CENPF: variants seen among roughly 807,000 people sequenced by gnomAD.
CENPF encodes the protein centromere protein F.
A neutral mutation model predicts 307.3 loss-of-function variants in CENPF; 214 were observed. The observed-to-expected ratio is 0.70, with a 90% CI of 0.62 to 0.78. The LOEUF (loss-of-function observed/expected upper bound fraction) is 0.78, where lower values mean the gene tolerates loss of function less well. Ranked by LOEUF, CENPF falls within the 30% of genes least tolerant of loss-of-function variation. The pLI, the probability that CENPF is intolerant of heterozygous loss-of-function variation, is 0.00. For missense variants in CENPF, 3,401 were observed against 3,483.9 expected (o/e 0.98, Z 0.60); for synonymous variants, 1,259 against 1,270.6 (o/e 0.99, Z 0.19).
At chr1:214,662,642 TCTC>T (rs1418374299) in intron 19 of CENPF, among the ~76,000 whole-genome samples, 1 of 152,292 alleles carries the variant, frequency 6.6e-6, no homozygotes, top group Admixed American at 6.5e-5. Context: ...AAGAGGCCCT[TCTC>T]CTTTCTCTTT....
In CENPF at chr1:214,648,659, A is replaced by C. The variant is rs762911384; in HGVS notation, c.7831-16A>C. On this transcript the variant is annotated splice_polypyrimidine_tract_variant and intron_variant, in intron 13 of 19. Coordinates refer to ENST00000366955, the MANE Select transcript of CENPF (RefSeq NM_016343.4). ...GACCACCAAAAAGCAGATTCTAATGAAAGATGAAATTTCAGGTAAACAAAA... is the reference window on the plus strand; with the variant it reads ...GACCACCAAAAAGCAGATTCTAATGCAAGATGAAATTTCAGGTAAACAAAA... 3.1e-6 allele frequency: 5 copies of C among 1,611,060 alleles called. No homozygotes were observed. In the Admixed American group the frequency reaches 6.7e-5, roughly 22 times the overall value.
intron 14 of CENPF, among the ~76,000 whole-genome samples, chr1:214,651,312 A>G (rs1013477223): frequency 1.3e-5 from 2 of 152,216 alleles, no homozygotes; most frequent in Admixed American, 1.3e-4. Flanking sequence ...TGGTCAAGGA[A>G]GAAAATGCAA....
chr1:214,656,846 C>A, intron 17 of CENPF, 87 bp from the exon 18 acceptor site: 1 of 879,056 alleles, frequency 1.1e-6, no homozygotes. Context: ...AAAGAAAGAA[C>A]ACGTCTAAGA....
Position 214,645,562 on chromosome 1 carries a change from TG to T in CENPF, c.5993del (p.Cys1998PhefsTer12). ...TQELESHQSE[C>X]LHCIQVAEAE... The stretch of plus-strand genomic sequence containing the variant: ...AGAGCTTGAGTCTCATCAAAGTGAG[TG>T]TCTCCATTGCATTCAGGTGGCAGAG... On this transcript the variant is annotated frameshift_variant, in exon 13 of 20. Transcript: ENST00000366955. LOFTEE classifies it high-confidence loss of function. The T allele has an allele frequency of 1.2e-6, 2 of 1,613,974 alleles. No homozygotes were observed. Among genetic ancestry groups the T allele is most frequent in the African/African-American group, 1.3e-5 (1 of 74,976 alleles).
intron 1 of CENPF, among the ~76,000 whole-genome samples, chr1:214,604,492 T>G (rs1656969949): frequency 6.6e-6 from 1 of 152,186 alleles, no homozygotes; most frequent in Non-Finnish European, 1.5e-5. Flanking sequence ...TTGGTCTACA[T>G]CTATATTGTT....
intron 14 of CENPF, among the ~76,000 whole-genome samples, chr1:214,649,054 GTC>G (rs1658393052): frequency 6.6e-6 from 1 of 152,178 alleles, no homozygotes; most frequent in South Asian, 2.1e-4. Context: ...GAAAGTATCT[GTC>G]TCAGAGCCCA....
intron 1 of CENPF, among the ~76,000 whole-genome samples, chr1:214,604,148 C>A (rs1656962374): frequency 6.6e-6 from 1 of 152,096 alleles, no homozygotes; most frequent in African/African-American, 2.4e-5. Flanking sequence ...GTGGGGAATT[C>A]TGACAACGGG....
intron 3 of CENPF, among the ~76,000 whole-genome samples, chr1:214,617,827 A>T (rs556308262): frequency 2.6e-5 from 4 of 152,092 alleles, no homozygotes; most frequent in South Asian, 4.1e-4. Flanking sequence ...AGGTTCTTTT[A>T]TGTCTCTGTC....
chr1:214,609,051 A>G (rs1326024372), intron 1 of CENPF, among the ~76,000 whole-genome samples: 1 of 151,612 alleles, frequency 6.6e-6, no homozygotes, highest in African/African-American at 2.4e-5. Context: ...TCGCAACCAC[A>G]GGTCTCCATG....
intron 8 of CENPF, among the ~76,000 whole-genome samples, chr1:214,629,898 G>T (rs1436436449): frequency 6.6e-6 from 1 of 152,162 alleles, no homozygotes; most frequent in Non-Finnish European, 1.5e-5. Flanking sequence ...AAATTAGGAG[G>T]GTAGTTGATG....
chr1:214,615,216 G>T, intron 3 of CENPF, 188 bp downstream of exon 3: 2 of 453,548 alleles, frequency 4.4e-6, no homozygotes, highest in South Asian at 3.6e-5. Context: ...CAGTGATTTG[G>T]TTTTATCATT....
chr1:214,605,426 A>G, intron 1 of CENPF: 1 of 484,682 alleles, frequency 2.1e-6, no homozygotes, highest in Non-Finnish European at 3.7e-6. Context: ...TGCCTGAGCT[A>G]GAAGAATCCG....
At chr1:214,611,055 T>C (rs541901471) in intron 1 of CENPF, among the ~76,000 whole-genome samples, 21 of 152,304 alleles carry the variant, frequency 1.4e-4, no homozygotes, top group African/African-American at 5.1e-4. Context: ...GATTTTGTAC[T>C]AGTACCATGC....
chr1:214,630,502 T>A lies in CENPF; in HGVS notation c.1195-32T>A, dbSNP rs201465516. ...CTGGAGTCTCCCTAGCGAACCATCA[T>A]CAGGCTGATGCACCTGCCCTTTGTT... On this transcript the variant is annotated intron_variant, in intron 8 of 19. Coordinates refer to ENST00000366955, the MANE Select transcript of CENPF (RefSeq NM_016343.4). 5 of 1,613,168 alleles carry A rather than the reference T, an allele frequency of 3.1e-6. No individual in the cohort carries two copies. In the Admixed American group the frequency reaches 8.3e-5, roughly 27 times the overall value.
At chr1:214,621,054 A>T in intron 6 of CENPF, 108 bp downstream of exon 6, 1 of 1,000,116 alleles carries the variant, frequency 1.0e-6, no homozygotes. Flanking sequence ...TGTTAGGCAC[A>T]TCGGTGTTCA....
Position 214,651,904 on chromosome 1 carries a change from G to GAAGAAAACCTAGGCA in CENPF, c.8160+18_8160+19insAAGAAAACCTAGGCA. On this transcript the variant is annotated intron_variant, in intron 15 of 19. Coordinates refer to ENST00000366955, the MANE Select transcript of CENPF (RefSeq NM_016343.4). ...ACAAACAGGTGAAATGTGGGGTTTG[G>GAAGAAAACCTAGGCA]TTACTGGGGGAGCTGGAGAGTGTAT... 1 of 1,578,238 alleles carries GAAGAAAACCTAGGCA rather than the reference G, an allele frequency of 6.3e-7. No individual in the cohort carries two copies. The highest frequency in any genetic ancestry group is 8.6e-7 in the Non-Finnish European group (1 of 1,167,462).
chr1:214,611,844 T>C (rs1558168559), intron 1 of CENPF, among the ~76,000 whole-genome samples: 1 of 152,238 alleles, frequency 6.6e-6, no homozygotes. Flanking sequence ...TCCTGAGAGT[T>C]GGCTGAAGTT....
chr1:214,636,727 G>T (rs745694383), intron 10 of CENPF, among the ~76,000 whole-genome samples: 15 of 152,192 alleles, frequency 9.9e-5, no homozygotes, highest in Admixed American at 3.9e-4. Flanking sequence ...TTGGAGGATG[G>T]GTCTTAATTG....
intron 10 of CENPF, among the ~76,000 whole-genome samples, chr1:214,634,914 T>C (rs1177601830): frequency 6.6e-6 from 1 of 152,238 alleles, no homozygotes; most frequent in Non-Finnish European, 1.5e-5. Context: ...TTAGTAAACA[T>C]GCTGCTCACA....
Sources: gnomAD v4.1 joint callset for allele counts (sites outside exome capture counted in the v4.1 genomes callset) on GRCh38, gnomAD v4.1.1 for gene constraint, MANE v1.5 for transcripts, NCBI Gene and HGNC (gene_info 2026-07-23, HGNC 2026-07-21) for gene names.